RUFY4: variants seen among roughly 807,000 people sequenced by gnomAD.
RUFY4 encodes RUN and FYVE domain containing 4.
Under a neutral mutation model 69.0 loss-of-function variants are expected in RUFY4, and 73 were observed. That is an observed-to-expected ratio of 1.06 (90% confidence interval 0.88 to 1.29). The LOEUF is 1.29. Among genes scored for constraint, RUFY4 ranks in the 50% most tolerant of loss-of-function variants. The pLI, the probability that RUFY4 is intolerant of heterozygous loss-of-function variation, is 0.00. For synonymous variants in RUFY4, 287 were observed against 271.8 expected, an observed-to-expected ratio of 1.06 and a Z score of -0.55; for missense variants, 770 against 705.6, an observed-to-expected ratio of 1.09 and a Z score of -1.03.
At chr2:218,088,294 C>A (rs1056215645) in intron 9 of RUFY4, among the ~76,000 whole-genome samples, 1 of 151,550 alleles carries the variant, frequency 6.6e-6, no homozygotes, top group Admixed American at 6.6e-5. Context: ...GGCAACATGT[C>A]GAAACCCCAT....
At chr2:218,070,206 C>CCGTATCATTA, upstream of RUFY4, 1 of 273,112 alleles carries the variant, frequency 3.7e-6, no homozygotes, top group South Asian at 4.3e-5. Flanking sequence ...GCCCTGTGGG[C>CCGTATCATTA]ACAGACACCT....
At chr2:218,048,259 T>C (rs1688873823) in intron 2 of RUFY4, among the ~76,000 whole-genome samples, 2 of 152,248 alleles carry the variant, frequency 1.3e-5, no homozygotes, top group Non-Finnish European at 2.9e-5. Flanking sequence ...AAAGTGTTCA[T>C]GTCCTTTGCC....
At chr2:218,090,146 G>T in exon 11 of RUFY4, 1 of 699,276 alleles carries the variant, frequency 1.4e-6, no homozygotes, top group Non-Finnish European at 2.4e-6. Context: ...CAGCCCTCTT[G>T]TTTGTCCAGT....
upstream of RUFY4, among the ~76,000 whole-genome samples, chr2:218,067,100 G>C (rs749065630): frequency 6.6e-6 from 1 of 152,150 alleles, no homozygotes; most frequent in African/African-American, 2.4e-5. Flanking sequence ...ACTTCCTCCC[G>C]CTCTTTATCA....
rs760304258 is a variant in RUFY4 at position 218,075,693 on chromosome 2, G to A, written c.1201G>A (p.Ala401Thr). 6 of 1,471,496 alleles carry A rather than the reference G, an allele frequency of 4.1e-6. No individual in the cohort carries two copies. The East Asian group carries it at 9.5e-5, about 23-fold the overall frequency. 91.2% of individuals were successfully genotyped at this position (1,471,496 alleles called of 1,614,324 possible). A position where few individuals can be genotyped will look rare whatever the true frequency, so the allele number is the denominator to read the frequency against. ...AGTGCAAACAGAAGTGACCCTTGTG[G>A]CCAGAAGGGAGGAGCAAGCCGAGGT... is the stretch of plus-strand genomic sequence containing the variant. The change falls in exon 7 of 11, where the codon GCC (alanine) becomes ACC (threonine). Residue 401 changes from alanine (A) to threonine (T), a missense_variant. Transcript: ENST00000344321.
At chr2:218,060,489 G>C (rs1689156330) in intron 3 of RUFY4, 1 of 1,320,878 alleles carries the variant, frequency 7.6e-7, no homozygotes, top group African/African-American at 1.4e-5. Flanking sequence ...CGTAGATGAG[G>C]GGATTGAGGT....
chr2:218,083,363 C>T (rs1361706914), intron 9 of RUFY4, 107 bp downstream of exon 11: 15 of 1,404,814 alleles, frequency 1.1e-5, no homozygotes, highest in East Asian at 2.4e-5. Flanking sequence ...AAGCAGGGTT[C>T]TAGACCTTTT....
At chr2:218,050,691 C>A (rs971453211) in intron 2 of RUFY4, among the ~76,000 whole-genome samples, 4 of 152,142 alleles carry the variant, frequency 2.6e-5, no homozygotes, top group African/African-American at 7.2e-5. Context: ...GGTAGCCAGA[C>A]AGTGTTATAT....
intron 3 of RUFY4, 42 bp from the exon 6 acceptor site, chr2:218,072,737 G>C (rs1222343048): frequency 1.4e-6 from 2 of 1,445,580 alleles, no homozygotes; most frequent in Non-Finnish European, 1.8e-6. Flanking sequence ...GGCGCCCTTT[G>C]TCCTAATACT....
chr2:218,071,225 C>A (rs910999026), intron 2 of RUFY4, among the ~76,000 whole-genome samples: 1 of 152,170 alleles, frequency 6.6e-6, no homozygotes, highest in Non-Finnish European at 1.5e-5. Context: ...CAGACTTCAG[C>A]CTCTATATGC....
At chr2:218,076,635 A>G (rs948213189) in intron 8 of RUFY4, 102 bp downstream of exon 10, 21 of 1,499,648 alleles carry the variant, frequency 1.4e-5, no homozygotes, top group Non-Finnish European at 1.7e-5. Flanking sequence ...CCTCCCATGC[A>G]CCAGGCCCTG....
At chr2:218,079,094 C>T (rs918778764) in intron 8 of RUFY4, among the ~76,000 whole-genome samples, 8 of 152,190 alleles carry the variant, frequency 5.3e-5, no homozygotes, top group African/African-American at 1.9e-4. Flanking sequence ...GTCTCAAACT[C>T]CTGACCTCAG....
exon 11 of RUFY4, chr2:218,090,255 G>C (rs1029270473): frequency 2.2e-5 from 8 of 363,918 alleles, no homozygotes; most frequent in African/African-American, 1.5e-4. Flanking sequence ...CAACGAGCCA[G>C]GTGACTTTGG....
intron 3 of RUFY4, chr2:218,061,025 A>C: frequency 2.8e-6 from 2 of 713,872 alleles, no homozygotes; most frequent in Admixed American, 1.8e-5. Context: ...GTAGAATACC[A>C]CCGTAGAAGT....
intron 3 of RUFY4, chr2:218,060,290 T>C (rs1574500835): frequency 6.8e-7 from 1 of 1,466,878 alleles, no homozygotes; most frequent in African/African-American, 1.4e-5. Flanking sequence ...GGAATGTGAC[T>C]GTGAAGAGAA....
intron 2 of RUFY4, among the ~76,000 whole-genome samples, chr2:218,039,049 G>A (rs550879970): frequency 6.6e-6 from 1 of 152,288 alleles, no homozygotes; most frequent in Non-Finnish European, 1.5e-5. Context: ...GGTTCTATCG[G>A]TGAGTAAGGA....
chr2:218,066,074 C>A (rs972723729), upstream of RUFY4, among the ~76,000 whole-genome samples: 8 of 151,506 alleles, frequency 5.3e-5, no homozygotes, highest in Non-Finnish European at 4.4e-5. Flanking sequence ...ATAGAAGAGA[C>A]ACAGGTGCAG....
At chr2:218,051,424 G>A in intron 2 of RUFY4, among the ~76,000 whole-genome samples, 1 of 151,874 alleles carries the variant, frequency 6.6e-6, no homozygotes, top group East Asian at 1.9e-4. Context: ...TAAAATTAAA[G>A]TTCTAATCAA....
upstream of RUFY4, among the ~76,000 whole-genome samples, chr2:218,064,591 A>G (rs1404824490): frequency 2.0e-5 from 3 of 152,108 alleles, no homozygotes; most frequent in East Asian, 5.8e-4. Context: ...AGGAGTGGCC[A>G]CCAGCTGGCA....
Sources: allele counts gnomAD v4.1 joint callset (sites outside exome capture counted in the v4.1 genomes callset), GRCh38; gene constraint gnomAD v4.1.1; transcripts MANE v1.5; gene names NCBI Gene and HGNC (gene_info 2026-07-23, HGNC 2026-07-21).